Variants in DGKZ observed in about 807,000 individuals in gnomAD.
DGKZ encodes the protein diacylglycerol kinase zeta.
Under a neutral mutation model 142.5 loss-of-function variants are expected in DGKZ, and 45 were observed. The observed-to-expected ratio is 0.32, with a 90% CI of 0.25 to 0.40. The LOEUF (loss-of-function observed/expected upper bound fraction) is 0.40, where lower values mean the gene tolerates loss of function less well. DGKZ is among the 10% of genes least tolerant of loss of function. The pLI, the probability that DGKZ is intolerant of heterozygous loss-of-function variation, is 1.00. For missense variants in DGKZ, 755 were observed against 1,306.5 expected, an observed-to-expected ratio of 0.58 and a Z score of 6.51; for synonymous variants, 442 against 527.0, an observed-to-expected ratio of 0.84 and a Z score of 2.21.
At chr11:46,370,449 TC>T (rs1348335298) in intron 6 of DGKZ, among the ~76,000 whole-genome samples, 1 of 152,224 alleles carries the variant, frequency 6.6e-6, no homozygotes, top group African/African-American at 2.4e-5. Context: ...CTTGCCCGCC[TC>T]CCTCAGTAAG....
At chr11:46,377,385 C>T in intron 25 of DGKZ, 173 bp downstream of exon 25, 1 of 1,251,274 alleles carries the variant, frequency 8.0e-7, no homozygotes, top group Non-Finnish European at 1.1e-6. Flanking sequence ...GGGGAAGCGG[C>T]CTCACGTCCA....
intron 1 of DGKZ, among the ~76,000 whole-genome samples, chr11:46,355,989 G>T (rs993934772): frequency 6.6e-6 from 1 of 152,004 alleles, no homozygotes; most frequent in Admixed American, 6.5e-5. Context: ...CAGGTGATCT[G>T]CCCGCCTCAG....
intron 25 of DGKZ, 140 bp downstream of exon 25, chr11:46,377,352 G>C (rs1944666392): frequency 7.1e-7 from 1 of 1,409,952 alleles, no homozygotes; most frequent in Non-Finnish European, 9.3e-7. Flanking sequence ...CCCACCTGAC[G>C]GCCTTCAGCC....
chr11:46,359,187 A>T (rs1942356071), intron 1 of DGKZ, among the ~76,000 whole-genome samples: 2 of 151,334 alleles, frequency 1.3e-5, no homozygotes, highest in African/African-American at 4.9e-5. Context: ...TCATGCCTGT[A>T]ATCCCAGCAC....
intron 1 of DGKZ, among the ~76,000 whole-genome samples, chr11:46,354,984 G>A (rs1346505113): frequency 1.3e-5 from 2 of 152,216 alleles, no homozygotes; most frequent in Non-Finnish European, 2.9e-5. Context: ...TATTGCAAGC[G>A]ATCCCTCTGT....
At chr11:46,346,831 T>C (rs1194602025), upstream of DGKZ, among the ~76,000 whole-genome samples, 1 of 152,136 alleles carries the variant, frequency 6.6e-6, no homozygotes, top group African/African-American at 2.4e-5. Flanking sequence ...TTGGAAACCA[T>C]TGTGAATAGC....
intron 1 of DGKZ, among the ~76,000 whole-genome samples, chr11:46,335,133 G>C (rs1214146006): frequency 1.3e-5 from 2 of 152,106 alleles, no homozygotes; most frequent in Non-Finnish European, 2.9e-5. Flanking sequence ...GGCCAACATG[G>C]TGAAACCCTG....
At chr11:46,379,151 GGGA>G (rs1565090690) in intron 28 of DGKZ, 40 bp downstream of exon 28, 1 of 1,611,836 alleles carries the variant, frequency 6.2e-7, no homozygotes. Context: ...GGGCCAAGGT[GGGA>G]GGAGGAGGGG....
chr11:46,338,646 T>C (rs1657983728), intron 1 of DGKZ: 1 of 151,598 alleles, frequency 6.6e-6, no homozygotes, highest in African/African-American at 2.4e-5. Flanking sequence ...AACCTGAGCA[T>C]GGTGGCGGGG....
At chr11:46,353,474 G>T (rs1252610152) in intron 1 of DGKZ, among the ~76,000 whole-genome samples, 1 of 152,208 alleles carries the variant, frequency 6.6e-6, no homozygotes, top group African/African-American at 2.4e-5. Flanking sequence ...CCTCAAGTCA[G>T]GGGAGCAGGC....
chr11:46,379,904 A>C (rs1945033509), exon 31 of DGKZ: 1 of 1,609,104 alleles, frequency 6.2e-7, no homozygotes, highest in African/African-American at 1.3e-5. Context: ...AACCGGCAGC[A>C]CTACCAGATG....
intron 4 of DGKZ, 193 bp downstream of exon 4, chr11:46,368,272 C>T: frequency 1.5e-6 from 1 of 685,148 alleles, no homozygotes; most frequent in East Asian, 2.8e-5. Flanking sequence ...TGCTGTATCC[C>T]CACTGCCTGG....
intron 5 of DGKZ, 136 bp from the exon 6 acceptor site, chr11:46,369,804 CT>C: frequency 3.0e-6 from 3 of 998,362 alleles, no homozygotes; most frequent in Non-Finnish European, 4.6e-6. Flanking sequence ...TGAAGAGAGT[CT>C]TTAGCCCCTC....
At chr11:46,343,993 AG>A (rs2136384897), upstream of DGKZ, among the ~76,000 whole-genome samples, 1 of 151,030 alleles carries the variant, frequency 6.6e-6, no homozygotes, top group African/African-American at 2.4e-5. Flanking sequence ...TCTGTTGCCC[AG>A]GCTAGAGTGC....
chr11:46,355,850 G>A lies in DGKZ; in HGVS notation c.161+8030G>A, dbSNP rs571738655. Among the ~76,000 whole-genome samples, 6 of 152,122 alleles carry A rather than the reference G, an allele frequency of 3.9e-5. No homozygotes were observed. The East Asian group carries it at 5.8e-4, about 15-fold the overall frequency. On this transcript the variant is annotated intron_variant, in intron 1 of 30. Coordinates refer to ENST00000527911, the Ensembl canonical transcript of DGKZ. The stretch of plus-strand genomic sequence containing the variant: ...CAACCCCTGCCTCTGAGGTTCAAGC[G>A]ATTCACCTGCCTCAGCCTCCCAAGT...
chr11:46,333,950 C>G (rs7938458), intron 1 of DGKZ, among the ~76,000 whole-genome samples: 15,088 of 152,138 alleles, frequency 0.099, 2,464 homozygotes, highest in African/African-American at 0.34. Flanking sequence ...CCCTGCTGCC[C>G]AGAGATGGGG....
Position 46,372,191 on chromosome 11 carries a change from C to T in DGKZ, c.927+21C>T. On this transcript the variant is annotated intron_variant, in intron 10 of 30. Transcript: ENST00000527911. This position sits in a 1 kb window ranked among gnomAD's most constrained non-coding sequence, Gnocchi z 5.9. ...ACCAGGTGAACGCGGCCTTGCCTCT[C>T]AGCTAAGGGCTCGGGCGGGGGTTGG... 1 of 1,583,570 alleles carries T rather than the reference C, an allele frequency of 6.3e-7. No homozygotes were observed. The highest frequency in any genetic ancestry group is 8.6e-7 in the Non-Finnish European group (1 of 1,162,008).
chr11:46,368,154 C>T (rs1943536406), intron 4 of DGKZ, 75 bp downstream of exon 4: 1 of 1,489,522 alleles, frequency 6.7e-7, no homozygotes, highest in Non-Finnish European at 9.3e-7. Flanking sequence ...CTCACACCCA[C>T]ATGTTATACA....
At position 46,367,432 on chromosome 11, in the gene DGKZ, C is replaced by G. The variant is rs777998831; in HGVS notation, c.270+33C>G. 1.2e-6 allele frequency: 2 copies of G among 1,600,806 alleles called. No individual in the cohort carries two copies. The highest frequency in any genetic ancestry group is 1.1e-5 in the South Asian group (1 of 90,670). ...CCTGAACACCCCTGGGTCCCAGACC[C>G]TCTGGGCTCTTGGCCAAGGCGCAGC... is the stretch of plus-strand genomic sequence containing the variant. On this transcript the variant is annotated intron_variant, in intron 2 of 30. Transcript: ENST00000527911. This position sits in a 1 kb window ranked among gnomAD's most constrained non-coding sequence, Gnocchi z 4.1.
Sources: gnomAD v4.1 joint callset for allele counts (sites outside exome capture counted in the v4.1 genomes callset) on GRCh38, gnomAD v4.1.1 for gene constraint, Gnocchi (gnomAD v3.1) non-coding constraint, MANE v1.5 for transcripts, NCBI Gene and HGNC (gene_info 2026-07-23, HGNC 2026-07-21) for gene names.